Variants in TM4SF4 observed in about 807,000 individuals in gnomAD.
The protein encoded by TM4SF4 is transmembrane 4 L six family member 4, also known as transmembrane 4 L6 family member 4.
TM4SF4 carries 24 observed loss-of-function variants against 24.1 expected under a neutral mutation model. The ratio of observed to expected loss-of-function variants is 1.00; its 90% CI spans 0.72 to 1.40. TM4SF4 has a LOEUF of 1.40. Ranked by LOEUF, TM4SF4 falls within the 40% of genes most tolerant of loss-of-function variation. The pLI is 0.00. For missense variants in TM4SF4, 254 were observed against 254.2 expected, an observed-to-expected ratio of 1.00 and a Z score of 0.01; for synonymous variants, 113 against 97.0, an observed-to-expected ratio of 1.17 and a Z score of -0.97.
In TM4SF4 at chr3:149,486,039, C is replaced by G. The variant is rs1734111023; in HGVS notation, c.265-1580C>G. Among the ~76,000 whole-genome samples the G allele has an allele frequency of 3.3e-5, 5 of 152,074 alleles. 1 individual carries two copies. In the South Asian group the frequency reaches 1.0e-3, roughly 32 times the overall value. On this transcript the variant is annotated intron_variant, in intron 2 of 4. Transcript: ENST00000305354. ...AAAAGACTTTTTTTAAAAGTTGCAT[C>G]CAAAATACATTGATATATGATATGA...
At chr3:149,481,287 C>G (rs953768746) in intron 2 of TM4SF4, among the ~76,000 whole-genome samples, 1 of 109,082 alleles carries the variant, frequency 9.2e-6, no homozygotes, top group Non-Finnish European at 2.2e-5. Flanking sequence ...AAGGGAAGTA[C>G]CAACTAAGTG....
intron 3 of TM4SF4, among the ~76,000 whole-genome samples, chr3:149,494,094 A>G (rs1286809341): frequency 1.3e-5 from 2 of 152,216 alleles, no homozygotes; most frequent in African/African-American, 2.4e-5. Flanking sequence ...CTTCACTGCC[A>G]GGTCCATGAA....
Position 149,498,855 on chromosome 3 carries a change from G to A in TM4SF4, c.535G>A (p.Val179Ile), listed in dbSNP as rs1427743979. The A allele has an allele frequency of 4.3e-6, 7 of 1,613,914 alleles. No individual in the cohort carries two copies. Among genetic ancestry groups the A allele is most frequent in the Admixed American group, 1.7e-5 (1 of 60,006 alleles). The change falls in exon 4 of 5, where the codon GTC becomes ATC. Residue 179 changes from valine to isoleucine, a missense_variant. By Grantham distance (29) the Val-to-Ile change is conservative. Transcript: ENST00000305354. ...GATGGTTCTCTGCGCCATCCAGGTG[G>A]TCAATGGCCTCCTGGGGACCCTCTG... is the stretch of plus-strand genomic sequence containing the variant. The part of the protein sequence containing the change: ...IQMVLCAIQV[V>I]NGLLGTLCGD...
chr3:149,488,305 T>C (rs1734154877), intron 3 of TM4SF4, among the ~76,000 whole-genome samples: 1 of 152,214 alleles, frequency 6.6e-6, no homozygotes, highest in Non-Finnish European at 1.5e-5. Context: ...ACTTTGTAGA[T>C]TGTAAAGACC....
chr3:149,492,271 C>T (rs1427321640), intron 3 of TM4SF4, among the ~76,000 whole-genome samples: 1 of 152,120 alleles, frequency 6.6e-6, no homozygotes, highest in Non-Finnish European at 1.5e-5. Context: ...TGCACAAAAT[C>T]CAGGGCTCTG....
At chr3:149,486,595 G>A (rs1424566861) in intron 2 of TM4SF4, among the ~76,000 whole-genome samples, 3 of 152,124 alleles carry the variant, frequency 2.0e-5, no homozygotes, top group Non-Finnish European at 1.5e-5. Context: ...TCTGCCTTTT[G>A]CAGTCAATAA....
chr3:149,478,477 T>TA (rs893198770), intron 2 of TM4SF4, among the ~76,000 whole-genome samples: 6 of 152,132 alleles, frequency 3.9e-5, no homozygotes, highest in African/African-American at 9.7e-5. Context: ...CACATTTCAT[T>TA]AAAAAAAATT....
chr3:149,501,021 C>CAA (rs56017202), intron 4 of TM4SF4, among the ~76,000 whole-genome samples: 7,283 of 105,672 alleles, frequency 0.069, 423 homozygotes, highest in East Asian at 0.36. Context: ...AAGACCTTTC[C>CAA]AAAAAAAAAA....
chr3:149,500,091 CTT>C (rs1734392143), intron 4 of TM4SF4, among the ~76,000 whole-genome samples: 1 of 152,036 alleles, frequency 6.6e-6, no homozygotes, highest in African/African-American at 2.4e-5. Flanking sequence ...CACAGTATCT[CTT>C]TTTATTATTT....
intron 3 of TM4SF4, among the ~76,000 whole-genome samples, chr3:149,497,416 C>T (rs1332884182): frequency 6.6e-6 from 1 of 152,164 alleles, no homozygotes; most frequent in Non-Finnish European, 1.5e-5. Flanking sequence ...TTCATTCCTT[C>T]CTTTTCTGTG....
At chr3:149,486,761 C>CA (rs1258092760) in intron 2 of TM4SF4, among the ~76,000 whole-genome samples, 4 of 152,098 alleles carry the variant, frequency 2.6e-5, no homozygotes, top group African/African-American at 7.2e-5. Context: ...TGAGAGATGT[C>CA]AAGGCAATCT....
At chr3:149,495,491 C>T (rs1282381269) in intron 3 of TM4SF4, 2 of 420,382 alleles carry the variant, frequency 4.8e-6, no homozygotes, top group Non-Finnish European at 9.4e-6. Flanking sequence ...GTCAACGTTA[C>T]AACTAAAGTC....
intron 2 of TM4SF4, among the ~76,000 whole-genome samples, chr3:149,485,202 C>T (rs943887255): frequency 6.6e-6 from 1 of 152,162 alleles, no homozygotes; most frequent in African/African-American, 2.4e-5. Flanking sequence ...CAGAAGTTTA[C>T]ACAAATTCAT....
Position 149,474,914 on chromosome 3 carries a change from A to G in TM4SF4, c.37A>G (p.Thr13Ala), listed in dbSNP as rs184969884. ...TGGCARCLGG[T>A]LIPLAFFGFL... ...GGGCTGTGCCAGATGCCTGGGGGGG[A>G]CCCTCATTCCCCTTGCTTTTTTTGG... is the stretch of plus-strand genomic sequence containing the variant. Residue 13 changes from threonine (T) to alanine (A), a missense_variant, in exon 1 of 5, where the codon ACC becomes GCC. Coordinates refer to ENST00000305354, the MANE Select transcript of TM4SF4 (RefSeq NM_004617.4). 9.9e-6 allele frequency: 16 copies of G among 1,613,346 alleles called. No homozygotes were observed. In the Admixed American group the frequency reaches 2.0e-4, roughly 20 times the overall value.
rs376175180 is a variant in TM4SF4 at position 149,502,403 on chromosome 3, A to G, written c.592-273A>G. Among the ~76,000 whole-genome samples the G allele has an allele frequency of 2.5e-4, 38 of 152,320 alleles. No homozygotes were observed. In the East Asian group the frequency reaches 6.9e-3, roughly 28 times the overall value. On this transcript the variant is annotated intron_variant, in intron 4 of 4. Coordinates refer to ENST00000305354, the MANE Select transcript of TM4SF4 (RefSeq NM_004617.4). ...ATTTAAAAAAATTAAAAACAAAATA[A>G]AACAAAAATAAATAAATAAAATGTA... is the stretch of plus-strand genomic sequence containing the variant.
Position 149,484,056 on chromosome 3 carries a change from C to G in TM4SF4, c.265-3563C>G, listed in dbSNP as rs570031789. Among the ~76,000 whole-genome samples the G allele has an allele frequency of 2.6e-5, 4 of 152,274 alleles. No homozygotes were observed. In the South Asian group the frequency reaches 8.3e-4, roughly 32 times the overall value. The stretch of plus-strand genomic sequence containing the variant: ...TCAGCCTCCCACAGTGCTGGGATTA[C>G]AGGCTTGAGCCACTGTGCCGGGCCC... On this transcript the variant is annotated intron_variant, in intron 2 of 4. Coordinates refer to ENST00000305354, the MANE Select transcript of TM4SF4 (RefSeq NM_004617.4).
chr3:149,502,788 G>C lies in TM4SF4; in HGVS notation c.*95G>C. The C allele has an allele frequency of 1.1e-6, 1 of 888,736 alleles. No individual in the cohort carries two copies. The highest frequency in any genetic ancestry group is 1.6e-5 in the South Asian group (1 of 64,254). The allele number at this position is 888,736 out of a possible 1,614,324, so 55.1% of individuals were successfully genotyped here. On this transcript the variant is annotated 3_prime_UTR_variant, in exon 5 of 5. Coordinates refer to ENST00000305354, the MANE Select transcript of TM4SF4 (RefSeq NM_004617.4). ...TTCTTGGAATTATTAATTCCTATCT[G>C]CTTCCTAGCTGATAAAGCTTAGAAA... is the stretch of plus-strand genomic sequence containing the variant.
intron 3 of TM4SF4, among the ~76,000 whole-genome samples, chr3:149,498,460 C>T (rs564586725): frequency 2.0e-5 from 3 of 152,046 alleles, no homozygotes; most frequent in East Asian, 1.9e-4. Flanking sequence ...TTTGTGAAAC[C>T]GAAAAAGAGA....
At chr3:149,496,457 A>G (rs1266482081) in intron 3 of TM4SF4, among the ~76,000 whole-genome samples, 1 of 152,186 alleles carries the variant, frequency 6.6e-6, no homozygotes, top group Non-Finnish European at 1.5e-5. Flanking sequence ...GACCCTCTAT[A>G]GCAAAGTTTA....
Sources: allele counts gnomAD v4.1 joint callset (sites outside exome capture counted in the v4.1 genomes callset), GRCh38; gene constraint gnomAD v4.1.1; transcripts MANE v1.5; gene names NCBI Gene and HGNC (gene_info 2026-07-23, HGNC 2026-07-21).